RUNDC3A: variants seen among roughly 807,000 people sequenced by gnomAD.
RUNDC3A encodes the protein RUN domain-containing protein 3A.
A neutral mutation model predicts 53.9 loss-of-function variants in RUNDC3A; 28 were observed. The ratio of observed to expected loss-of-function variants is 0.52; its 90% CI spans 0.38 to 0.71. RUNDC3A has a LOEUF of 0.71. RUNDC3A is among the 30% of genes least tolerant of loss of function. The probability of loss-of-function intolerance (pLI) is 0.00; values close to 1 mark genes in which losing one functional copy is unlikely to be tolerated. For missense variants in RUNDC3A, 491 were observed against 597.3 expected (o/e 0.82, Z 1.85); for synonymous variants, 232 against 249.4 (o/e 0.93, Z 0.66).
rs536719074 is a variant in RUNDC3A, at chr17:44,311,399, A to C, written c.108-1181A>C. 5 of 948,934 alleles carry C rather than the reference A, an allele frequency of 5.3e-6. No individual in the cohort carries two copies. The African/African-American group carries it at 8.8e-5, about 17-fold the overall frequency. The allele number at this position is 948,934 out of a possible 1,614,324, so 58.8% of individuals were successfully genotyped here. On this transcript the variant is annotated intron_variant, in intron 1 of 10. Transcript: ENST00000426726. ...ATCAGACATACCTGCTTGACTACTC[A>C]TAAGCCATGTGACTCCGAACAGATC...
rs2074105 is a variant in RUNDC3A at position 44,315,880 on chromosome 17, G to C, written c.953+271G>C. On this transcript the variant is annotated intron_variant, in intron 8 of 10. Transcript: ENST00000426726. The surrounding 1 kb of genome is among the most constrained non-coding windows in gnomAD (Gnocchi z 6.1). ...GCTAGAGTGGCCATCCAACCTTACT[G>C]CAGGGACCCCACGTCACTCACAAGG... Among the ~76,000 whole-genome samples, 75,544 of 151,664 alleles carry C rather than the reference G, an allele frequency of 0.5. 20,439 individuals carry two copies. Among genetic ancestry groups the C allele is most frequent in the East Asian group, 0.9 (4,613 of 5,144 alleles).
At position 44,317,394 on chromosome 17, in the gene RUNDC3A, C is replaced by G. The variant is rs1000737370; in HGVS notation, c.1198+669C>G. On this transcript the variant is annotated intron_variant, in intron 10 of 10. Transcript: ENST00000426726. Reference sequence around the variant, plus strand: ...ACATCCTCGGGGGCTCACAAACTCTCGGGGAACTCCTTAGACTAATTTGCT... The same window carrying G: ...ACATCCTCGGGGGCTCACAAACTCTGGGGGAACTCCTTAGACTAATTTGCT... 8 of 771,312 alleles carry G rather than the reference C, an allele frequency of 1.0e-5. No individual in the cohort carries two copies. In the African/African-American group the frequency reaches 1.2e-4, roughly 11 times the overall value. The allele number at this position is 771,312 out of a possible 1,614,324, so 47.8% of individuals were successfully genotyped here. A position where few individuals can be genotyped will look rare whatever the true frequency, so the allele number is the denominator to read the frequency against.
chr17:44,314,001 C>A, intron 4 of RUNDC3A: 1 of 992,590 alleles, frequency 1.0e-6, no homozygotes, highest in Non-Finnish European at 1.2e-6. Flanking sequence ...ACCACCACCA[C>A]CACTTGCAAG....
In RUNDC3A at chr17:44,316,740, C is replaced by T; in HGVS notation, c.1198+15C>T. The T allele has an allele frequency of 6.5e-7, 1 of 1,533,022 alleles. No individual in the cohort carries two copies. Among genetic ancestry groups the T allele is most frequent in the Non-Finnish European group, 8.8e-7 (1 of 1,133,738 alleles). 95.0% of individuals were successfully genotyped at this position (1,533,022 alleles called of 1,614,324 possible). A position where few individuals can be genotyped will look rare whatever the true frequency, so the allele number is the denominator to read the frequency against. ...GGGTCCCATCGGTGAGCTCCCCCAA[C>T]CCAACACCCAGTACCCCTCCAGAAA... is the stretch of plus-strand genomic sequence containing the variant. On this transcript the variant is annotated intron_variant, in intron 10 of 10. Coordinates refer to ENST00000426726, the MANE Select transcript of RUNDC3A (RefSeq NM_001144825.2).
intron 10 of RUNDC3A, chr17:44,317,819 C>T (rs1225182458): frequency 1.2e-5 from 7 of 592,632 alleles, no homozygotes; most frequent in Admixed American, 8.9e-5. Flanking sequence ...TGGAACAGAG[C>T]GAGTGCTCAC....
chr17:44,317,713 T>C (rs2047897827), intron 10 of RUNDC3A: 1 of 622,106 alleles, frequency 1.6e-6, no homozygotes, highest in South Asian at 1.9e-5. Context: ...CATCACACTG[T>C]GTTTGTGATT....
chr17:44,311,286 G>C, intron 1 of RUNDC3A: 1 of 985,504 alleles, frequency 1.0e-6, no homozygotes, highest in African/African-American at 1.7e-5. Context: ...AAGGGCGGTG[G>C]AGCAGGGGCT....
chr17:44,310,782 C>T (rs1358950100), intron 1 of RUNDC3A: 8 of 985,356 alleles, frequency 8.1e-6, no homozygotes, highest in Non-Finnish European at 9.6e-6. Flanking sequence ...CATATGGCTG[C>T]CATGCTGAAC....
Position 44,316,424 on chromosome 17 carries a change from G to T in RUNDC3A, c.993G>T (p.Gln331His). The T allele has an allele frequency of 6.2e-7, 1 of 1,613,790 alleles. No individual in the cohort carries two copies. The highest frequency in any genetic ancestry group is 8.5e-7 in the Non-Finnish European group (1 of 1,179,844). Residue 331 changes from glutamine to histidine, a missense_variant, in exon 9 of 11, where the codon CAG (glutamine) becomes CAT (histidine). By Grantham distance (24) the Gln-to-His change is conservative (BLOSUM62 0). This residue lies in a region of RUNDC3A where 218 missense variants were observed against 208.2 expected (regional missense o/e 1.05). Transcript: ENST00000426726. ...LIPSDHAPLA[Q>H]GSKELTTPLV... ...CCAGTGACCACGCCCCTCTGGCCCA[G>T]GGTTCCAAGGAGCTCACTACACCCC...
intron 1 of RUNDC3A, among the ~76,000 whole-genome samples, chr17:44,312,222 A>C (rs1180431079): frequency 6.6e-6 from 1 of 152,258 alleles, no homozygotes; most frequent in East Asian, 1.9e-4. Context: ...AGGGTGGTCT[A>C]TGGGGAAGGG....
rs112166813 is a variant in RUNDC3A, at chr17:44,309,168, G to A, written c.107+229G>A. On this transcript the variant is annotated intron_variant, in intron 1 of 10. Transcript: ENST00000426726. ...GCCCGGGCCTGGGCCTGGGGGGTGA[G>A]GGGTGTTTAATTGGTACTGTAGCTT... Among the ~76,000 whole-genome samples the A allele has an allele frequency of 1.1e-4, 16 of 152,260 alleles. 4 individuals are homozygous for A. Among genetic ancestry groups the A allele is most frequent in the African/African-American group, 3.9e-4 (16 of 41,552 alleles).
intron 4 of RUNDC3A, 153 bp from the exon 5 acceptor site, chr17:44,314,582 G>A (rs1470484000): frequency 6.9e-7 from 1 of 1,447,660 alleles, no homozygotes; most frequent in African/African-American, 1.4e-5. Flanking sequence ...CCAGGCTGAA[G>A]GGGGAGAGAG....
chr17:44,314,522 G>T, intron 4 of RUNDC3A: 1 of 1,422,400 alleles, frequency 7.0e-7, no homozygotes, highest in Non-Finnish European at 9.2e-7. Flanking sequence ...AGAGGGAGGA[G>T]TCGGCTCAGG....
At chr17:44,312,988 T>G (rs1797701629) in intron 2 of RUNDC3A, 116 bp from the exon 3 acceptor site, 1 of 1,176,342 alleles carries the variant, frequency 8.5e-7, no homozygotes, top group Non-Finnish European at 1.2e-6. Context: ...CGTGCATGTG[T>G]GTGCACAGAT....
chr17:44,315,839 C>T lies in RUNDC3A; in HGVS notation c.953+230C>T. On this transcript the variant is annotated intron_variant, in intron 8 of 10. Coordinates refer to ENST00000426726, the MANE Select transcript of RUNDC3A (RefSeq NM_001144825.2). The surrounding 1 kb of genome is among the most constrained non-coding windows in gnomAD (Gnocchi z 6.1). ...TCCAACAGCCAGAGCCCACCCTTCA[C>T]CTTCAGTTATCTTCCGCTAGAGTGG... is the stretch of plus-strand genomic sequence containing the variant. The T allele has an allele frequency of 5.0e-6, 2 of 400,956 alleles. No homozygotes were observed. Among genetic ancestry groups the T allele is most frequent in the Non-Finnish European group, 8.7e-6 (2 of 229,098 alleles). The allele number at this position is 400,956 out of a possible 1,614,324, so 24.8% of individuals were successfully genotyped here.
chr17:44,314,237 G>A (rs1225878987), intron 4 of RUNDC3A: 1 of 1,004,322 alleles, frequency 1.0e-6, no homozygotes, highest in Non-Finnish European at 1.2e-6. Flanking sequence ...TTCACAGGGA[G>A]GTTGGGTGCC....
chr17:44,312,831 C>T, intron 2 of RUNDC3A, 136 bp downstream of exon 2: 1 of 592,210 alleles, frequency 1.7e-6, no homozygotes, highest in Admixed American at 3.0e-5. Context: ...TTCTGATATA[C>T]TCCATGGACT....
At chr17:44,310,722 G>A (rs1015920069) in intron 1 of RUNDC3A, 4 of 985,366 alleles carry the variant, frequency 4.1e-6, no homozygotes, top group Admixed American at 6.2e-5. Flanking sequence ...GCACACCACA[G>A]GGCTCCCGGG....
Position 44,315,705 on chromosome 17 carries a change from C to T in RUNDC3A, c.953+96C>T, listed in dbSNP as rs541871309. The T allele has an allele frequency of 3.5e-3, 4,063 of 1,153,560 alleles. 12 individuals are homozygous for T. The highest frequency in any genetic ancestry group is 4.0e-3 in the Non-Finnish European group (3,551 of 881,672). 71.5% of individuals were successfully genotyped at this position (1,153,560 alleles called of 1,614,324 possible). The stretch of plus-strand genomic sequence containing the variant: ...CACTTCCATCGACTCTAACATCACC[C>T]GACACGAGCACCCACCTCTCCAGCA... On this transcript the variant is annotated intron_variant, in intron 8 of 10. Coordinates refer to ENST00000426726, the MANE Select transcript of RUNDC3A (RefSeq NM_001144825.2). This position sits in a 1 kb window ranked among gnomAD's most constrained non-coding sequence, Gnocchi z 6.1.
Sources: gnomAD v4.1 joint callset for allele counts (sites outside exome capture counted in the v4.1 genomes callset) on GRCh38, gnomAD v4.1.1 for gene constraint, gnomAD v4.1.1 regional missense constraint, Gnocchi (gnomAD v3.1) non-coding constraint, MANE v1.5 for transcripts, NCBI Gene and HGNC (gene_info 2026-07-23, HGNC 2026-07-21) for gene names.